TAF12: variants seen among roughly 807,000 people sequenced by gnomAD.
TAF12 encodes TATA-box binding protein associated factor 12.
Under a neutral mutation model 20.8 loss-of-function variants are expected in TAF12, and 3 were observed. The ratio of observed to expected loss-of-function variants is 0.14; its 90% CI spans 0.07 to 0.37. The LOEUF (loss-of-function observed/expected upper bound fraction) is 0.37. Ranked by LOEUF, TAF12 falls within the 10% of genes least tolerant of loss-of-function variation. The pLI is 1.00. For missense variants in TAF12, 131 were observed against 197.9 expected, an observed-to-expected ratio of 0.66 and a Z score of 2.03; for synonymous variants, 69 against 70.2, an observed-to-expected ratio of 0.98 and a Z score of 0.09.
chr1:28,603,718 G>T, intron 5 of TAF12, 144 bp from the exon 6 acceptor site: 1 of 763,118 alleles, frequency 1.3e-6, no homozygotes, highest in Non-Finnish European at 2.2e-6. Flanking sequence ...CATCTCAGTA[G>T]ATTCCTTTTA....
At position 28,648,262 on chromosome 1, in the gene TAF12, CAAGAAAGACCCAGCACT is replaced by C. The variant is rs1668251118; in HGVS notation, c.-159_-143del. ...GACGCCTTCTGTCGTGAGCAGTTGA[CAAGAAAGACCCAGCACT>C]TACTGCAACCGGAAGGAGCGGTTCC... On this transcript the variant is annotated 5_prime_UTR_variant, in exon 1 of 6. Transcript: ENST00000685312. 4.1e-6 allele frequency: 4 copies of C among 985,178 alleles called. No homozygotes were observed. In the African/African-American group the frequency reaches 7.0e-5, roughly 17 times the overall value. 61.0% of individuals were successfully genotyped at this position (985,178 alleles called of 1,614,324 possible). A position where few individuals can be genotyped will look rare whatever the true frequency, so the allele number is the denominator to read the frequency against.
At chr1:28,644,308 A>C (rs1040319893), upstream of TAF12, among the ~76,000 whole-genome samples, 7 of 151,972 alleles carry the variant, frequency 4.6e-5, no homozygotes, top group Non-Finnish European at 1.0e-4. Context: ...TTCCCAGTCC[A>C]CCCTCTACAC....
intron 5 of TAF12, 123 bp from the exon 6 acceptor site, chr1:28,603,697 C>T: frequency 2.2e-6 from 2 of 909,626 alleles, no homozygotes; most frequent in Non-Finnish European, 3.5e-6. Flanking sequence ...CAGAGACCTG[C>T]AGTCACAAGG....
At chr1:28,646,793 G>T (rs1226173801), upstream of TAF12, among the ~76,000 whole-genome samples, 1 of 151,214 alleles carries the variant, frequency 6.6e-6, no homozygotes, top group Non-Finnish European at 1.5e-5. Context: ...CCACCTCCTG[G>T]GTTCACGCCA....
chr1:28,643,603 C>T (rs1668112177), upstream of TAF12: 1 of 152,154 alleles, frequency 6.6e-6, no homozygotes, highest in Admixed American at 6.6e-5. Flanking sequence ...CGCTTACCTC[C>T]GTTACGCCAT....
At chr1:28,643,604 G>A (rs1192948462), upstream of TAF12, 3 of 152,144 alleles carry the variant, frequency 2.0e-5, no homozygotes, top group Non-Finnish European at 2.9e-5. Flanking sequence ...GCTTACCTCC[G>A]TTACGCCATT....
rs1373622331 is a variant in TAF12, at chr1:28,622,229, G to A, written c.-84-64C>T. ...CTGTAATAAAGGATGAATCTTGAGA[G>A]TAAAAAGAGGCCTGGTGCAATGGCT... On this transcript the variant is annotated intron_variant, in intron 1 of 5. Transcript: ENST00000373824. 4.3e-6 allele frequency: 6 copies of A among 1,383,502 alleles called. No homozygotes were observed. The African/African-American group carries it at 4.4e-5, about 10-fold the overall frequency. 85.7% of individuals were successfully genotyped at this position (1,383,502 alleles called of 1,614,324 possible). A position where few individuals can be genotyped will look rare whatever the true frequency, so the allele number is the denominator to read the frequency against.
intron 3 of TAF12, among the ~76,000 whole-genome samples, chr1:28,616,012 G>T (rs1268388053): frequency 6.6e-6 from 1 of 152,140 alleles, no homozygotes; most frequent in Non-Finnish European, 1.5e-5. Context: ...TTTCTCCAAA[G>T]AGCTAGTTGT....
intron 3 of TAF12, among the ~76,000 whole-genome samples, chr1:28,615,675 T>C (rs1667011789): frequency 1.6e-5 from 1 of 63,808 alleles, no homozygotes; most frequent in Non-Finnish European, 2.5e-5. Flanking sequence ...CGAGACTCCG[T>C]CTCAAAAAAA....
At chr1:28,604,935 T>C (rs1321111451) in intron 5 of TAF12, among the ~76,000 whole-genome samples, 1 of 152,180 alleles carries the variant, frequency 6.6e-6, no homozygotes, top group Non-Finnish European at 1.5e-5. Flanking sequence ...CAGGCCAGAA[T>C]GTCCAGCACG....
chr1:28,647,850 G>A (rs983003867), upstream of TAF12, among the ~76,000 whole-genome samples: 4 of 147,988 alleles, frequency 2.7e-5, no homozygotes, highest in African/African-American at 1.0e-4. Flanking sequence ...CTGCAGCCTG[G>A]GCGACAGAGC....
At chr1:28,625,537 ATTTTT>A (rs753920655) in intron 1 of TAF12, among the ~76,000 whole-genome samples, 1 of 133,438 alleles carries the variant, frequency 7.5e-6, no homozygotes. Flanking sequence ...CACCCAGCTA[ATTTTT>A]TTTTTTTTTT....
intron 3 of TAF12, among the ~76,000 whole-genome samples, chr1:28,616,564 C>T (rs2124323065): frequency 6.6e-6 from 1 of 151,648 alleles, no homozygotes; most frequent in African/African-American, 2.4e-5. Flanking sequence ...AAAACCCCAT[C>T]TCTACTAAAA....
chr1:28,614,381 T>C (rs146096501), intron 3 of TAF12, among the ~76,000 whole-genome samples: 6,261 of 151,764 alleles, frequency 0.041, 160 homozygotes, highest in Middle Eastern at 0.086. Context: ...CTGACCAACA[T>C]GGTGAAACCC....
chr1:28,641,774 A>C (rs959818285), intron 1 of TAF12, among the ~76,000 whole-genome samples: 1 of 146,314 alleles, frequency 6.8e-6, no homozygotes, highest in Non-Finnish European at 1.5e-5. Flanking sequence ...AGACTGGGCG[A>C]CAGAGAGAGA....
At chr1:28,641,331 A>G (rs1180473870) in intron 1 of TAF12, among the ~76,000 whole-genome samples, 2 of 151,996 alleles carry the variant, frequency 1.3e-5, no homozygotes, top group Non-Finnish European at 2.9e-5. Flanking sequence ...AAAAATACAA[A>G]AAGTAGCCGG....
At chr1:28,621,577 G>A (rs1243213158) in intron 2 of TAF12, among the ~76,000 whole-genome samples, 1 of 152,058 alleles carries the variant, frequency 6.6e-6, no homozygotes, top group Non-Finnish European at 1.5e-5. Context: ...GTGTACAGAT[G>A]GATGGATGGA....
chr1:28,641,715 G>A (rs995837833), intron 1 of TAF12, among the ~76,000 whole-genome samples: 1 of 149,510 alleles, frequency 6.7e-6, no homozygotes, highest in Non-Finnish European at 1.5e-5. Flanking sequence ...GACTGCTTGA[G>A]CCTAGGAGGT....
upstream of TAF12, chr1:28,643,107 C>T: frequency 1.8e-5 from 18 of 985,946 alleles, no homozygotes; most frequent in Non-Finnish European, 2.2e-5. Context: ...CGCTCCCCGC[C>T]TCCAACCCGG....
Sources: allele counts gnomAD v4.1 joint callset (sites outside exome capture counted in the v4.1 genomes callset), GRCh38; gene constraint gnomAD v4.1.1; transcripts MANE v1.5; gene names NCBI Gene and HGNC (gene_info 2026-07-23, HGNC 2026-07-21).